ZMYM2: variants seen among roughly 807,000 people sequenced by gnomAD.
ZMYM2 encodes the protein zinc finger MYM-type protein 2.
ZMYM2 carries 56 observed loss-of-function variants against 162.8 expected under a neutral mutation model. The observed-to-expected ratio is 0.34, with a 90% CI of 0.28 to 0.43. ZMYM2 has a LOEUF of 0.43. Ranked by LOEUF, ZMYM2 falls within the 20% of genes least tolerant of loss-of-function variation. ZMYM2 has a pLI of 1.00. For missense variants in ZMYM2, 1,275 were observed against 1,621.8 expected (o/e 0.79, Z 3.67); for synonymous variants, 510 against 541.6 (o/e 0.94, Z 0.81).
Position 20,066,925 on chromosome 13 carries a change from T to C in ZMYM2, c.3207T>C (p.Pro1069=). The change falls in exon 20 of 25, where the codon CCT becomes CCC. Residue 1069 remains proline, a synonymous_variant. Coordinates refer to ENST00000610343, the MANE Select transcript of ZMYM2 (RefSeq NM_197968.4). ...CTGACAATTCAGAATGCAGCTTTCC[T>C]TTCAAATATACGTATGGCGTAAATG... The part of the protein sequence containing the change: ...DSSDNSECSF[P]FKYTYGVNAW... 1.9e-6 allele frequency: 3 copies of C among 1,613,606 alleles called. No homozygotes were observed. The highest frequency in any genetic ancestry group is 2.5e-6 in the Non-Finnish European group (3 of 1,179,688).
chr13:19,911,826 A>G, the ZMYM2 span, among the ~76,000 whole-genome samples: 26 of 152,242 alleles, frequency 1.7e-4, 1 homozygote, highest in African/African-American at 6.0e-4. Context: ...AAGGCCAAGT[A>G]GAAGCCACTA....
chr13:19,899,720 G>A, the ZMYM2 span, among the ~76,000 whole-genome samples: 1 of 149,654 alleles, frequency 6.7e-6, no homozygotes, highest in Non-Finnish European at 1.5e-5. Flanking sequence ...GGGAGGCTGA[G>A]GCAGGAGAAT....
intron 2 of ZMYM2, among the ~76,000 whole-genome samples, chr13:19,990,798 A>G (rs867671855): frequency 6.6e-6 from 1 of 152,196 alleles, no homozygotes; most frequent in Non-Finnish European, 1.5e-5. Flanking sequence ...ATAATACACT[A>G]TGAAAATTAG....
At chr13:19,892,060 C>A in the ZMYM2 span, among the ~76,000 whole-genome samples, 1 of 151,208 alleles carries the variant, frequency 6.6e-6, no homozygotes, top group Non-Finnish European at 1.5e-5. Flanking sequence ...CCCACCTTAG[C>A]CTCCTGAGTT....
intron 21 of ZMYM2, among the ~76,000 whole-genome samples, chr13:20,075,091 CTAAAG>C (rs1957391946): frequency 6.6e-6 from 1 of 152,164 alleles, no homozygotes; most frequent in Non-Finnish European, 1.5e-5. Context: ...GATAAGATAA[CTAAAG>C]TAAACTTTCC....
At chr13:20,055,394 T>A (rs1244038893) in intron 14 of ZMYM2, among the ~76,000 whole-genome samples, 1 of 152,214 alleles carries the variant, frequency 6.6e-6, no homozygotes, top group East Asian at 1.9e-4. Context: ...TGCCTTTTTG[T>A]TTCAGCTCTC....
chr13:19,986,112 C>T (rs1000534819), intron 2 of ZMYM2, among the ~76,000 whole-genome samples: 3 of 151,934 alleles, frequency 2.0e-5, no homozygotes, highest in East Asian at 3.9e-4. Flanking sequence ...TCCGTTGAGT[C>T]CAGGAGTTGG....
Position 20,067,324 on chromosome 13 carries a change from C to G in ZMYM2, c.3387C>G (p.Ile1129Met), listed in dbSNP as rs1341935689. ...GGTTAGCTCATTTTGTCAATGAGATCCGACGGCCAAATGGAGAGAATTATG... is the reference window on the plus strand; with the variant it reads ...GGTTAGCTCATTTTGTCAATGAGATGCGACGGCCAAATGGAGAGAATTATG... ...NYGLAHFVNE[I>M]RRPNGENYAP... The change falls in exon 21 of 25, where the codon ATC becomes ATG. Residue 1129 changes from isoleucine to methionine, a missense_variant. Ile to Met is a conservative substitution (Grantham distance 10). Transcript: ENST00000610343. The G allele has an allele frequency of 5.6e-6, 9 of 1,608,672 alleles. No individual in the cohort carries two copies. Among genetic ancestry groups the G allele is most frequent in the Non-Finnish European group, 7.6e-6 (9 of 1,177,456 alleles).
At chr13:19,864,372 A>C in the ZMYM2 span, 1 of 154,914 alleles carries the variant, frequency 6.5e-6, no homozygotes, top group African/African-American at 2.4e-5. Flanking sequence ...CTCAAAACCA[A>C]ACCCCGTGGG....
chr13:20,065,168 G>C (rs1296714984), intron 19 of ZMYM2, among the ~76,000 whole-genome samples: 1 of 151,980 alleles, frequency 6.6e-6, no homozygotes, highest in Non-Finnish European at 1.5e-5. Context: ...CATAAAGCAG[G>C]TTTTAAAAAT....
At chr13:19,985,849 C>G (rs148796319) in intron 2 of ZMYM2, among the ~76,000 whole-genome samples, 1 of 151,716 alleles carries the variant, frequency 6.6e-6, no homozygotes, top group Non-Finnish European at 1.5e-5. Flanking sequence ...ATACTACAGC[C>G]TGGGCAACAG....
At chr13:19,904,363 C>T in the ZMYM2 span, among the ~76,000 whole-genome samples, 2 of 151,488 alleles carry the variant, frequency 1.3e-5, no homozygotes, top group East Asian at 3.9e-4. Flanking sequence ...TCGCGACCAG[C>T]CTGGCTAACA....
the ZMYM2 span, among the ~76,000 whole-genome samples, chr13:19,947,756 A>G: frequency 6.6e-6 from 1 of 152,014 alleles, no homozygotes; most frequent in Non-Finnish European, 1.5e-5. Flanking sequence ...GGCTTCCCAG[A>G]GTGCTGGGAT....
chr13:19,921,409 G>A, the ZMYM2 span, among the ~76,000 whole-genome samples: 1 of 152,022 alleles, frequency 6.6e-6, no homozygotes, highest in Non-Finnish European at 1.5e-5. Context: ...TAAAATGCTA[G>A]GATTATAGGC....
At chr13:20,026,880 T>G in intron 8 of ZMYM2, 118 bp downstream of exon 8, 2 of 1,101,974 alleles carry the variant, frequency 1.8e-6, no homozygotes, top group Non-Finnish European at 2.5e-6. Context: ...ATATTAATCT[T>G]TTTGAAAACT....
chr13:20,052,392 C>A, intron 14 of ZMYM2, 81 bp downstream of exon 14: 4 of 1,302,146 alleles, frequency 3.1e-6, no homozygotes, highest in South Asian at 3.1e-5. Flanking sequence ...TTAATGTGAT[C>A]ATAATAGTAA....
the ZMYM2 span, among the ~76,000 whole-genome samples, chr13:19,890,133 C>G: frequency 6.6e-6 from 1 of 151,760 alleles, no homozygotes; most frequent in Non-Finnish European, 1.5e-5. Flanking sequence ...GCATTTGTAT[C>G]GAGAAACGTA....
intron 24 of ZMYM2, among the ~76,000 whole-genome samples, chr13:20,084,528 G>T (rs1456322472): frequency 1.3e-5 from 2 of 152,138 alleles, no homozygotes; most frequent in African/African-American, 4.8e-5. Context: ...CAGGTGGCTG[G>T]CTGTAGTTTG....
chr13:19,907,344 G>A, the ZMYM2 span, among the ~76,000 whole-genome samples: 2 of 152,060 alleles, frequency 1.3e-5, no homozygotes, highest in African/African-American at 4.8e-5. Flanking sequence ...TGGCAGTATG[G>A]GTTCATCAGT....
Sources: allele counts gnomAD v4.1 joint callset (sites outside exome capture counted in the v4.1 genomes callset), GRCh38; gene constraint gnomAD v4.1.1; transcripts MANE v1.5; gene names NCBI Gene and HGNC (gene_info 2026-07-23, HGNC 2026-07-21).